UBE2F: variants seen among roughly 807,000 people sequenced by gnomAD.
UBE2F encodes the protein NEDD8-conjugating enzyme UBE2F.
Under a neutral mutation model 29.6 loss-of-function variants are expected in UBE2F, and 5 were observed. The ratio of observed to expected loss-of-function variants is 0.17; its 90% CI spans 0.09 to 0.36. UBE2F has a LOEUF of 0.36. UBE2F is among the 10% of genes least tolerant of loss of function. The pLI is 1.00. For synonymous variants in UBE2F, 66 were observed against 81.8 expected (o/e 0.81, Z 1.04); for missense variants, 141 against 228.5 (o/e 0.62, Z 2.47).
At chr2:238,037,484 A>T (rs1374921320) in intron 9 of UBE2F, among the ~76,000 whole-genome samples, 2 of 152,392 alleles carry the variant, frequency 1.3e-5, no homozygotes, top group African/African-American at 4.8e-5. Flanking sequence ...GCGTCGAGGT[A>T]GCTCAGCTTA....
At chr2:238,024,305 G>A (rs2064364141) in intron 5 of UBE2F, among the ~76,000 whole-genome samples, 1 of 152,252 alleles carries the variant, frequency 6.6e-6, no homozygotes, top group African/African-American at 2.4e-5. Context: ...CTCTGAGTAT[G>A]GATTGCCTTT....
Position 238,042,225 on chromosome 2 carries a change from G to A in UBE2F, c.*887G>A, listed in dbSNP as rs772296657. 1.3e-5 allele frequency: 2 copies of A among 152,258 alleles called. No homozygotes were observed. The highest frequency in any genetic ancestry group is 2.4e-5 in the African/African-American group (1 of 41,466). 9.4% of individuals were successfully genotyped at this position (152,258 alleles called of 1,614,324 possible). On this transcript the variant is annotated 3_prime_UTR_variant, in exon 10 of 10. Transcript: ENST00000272930. ...ACATGCTGCCCAGAGGAAACTGGCTGGAGCCTGGACCAGCTGGGGTTGATG... is the reference window on the plus strand; with the variant it reads ...ACATGCTGCCCAGAGGAAACTGGCTAGAGCCTGGACCAGCTGGGGTTGATG...
chr2:237,994,702 T>C, intron 3 of UBE2F, 42 bp from the exon 4 acceptor site: 1 of 1,535,014 alleles, frequency 6.5e-7, no homozygotes. Context: ...TATGGACTGC[T>C]GCTCACTGCC....
chr2:237,978,143 C>T (rs758945839), intron 2 of UBE2F, among the ~76,000 whole-genome samples: 3 of 152,192 alleles, frequency 2.0e-5, no homozygotes, highest in Non-Finnish European at 2.9e-5. Context: ...CTGCAACTGT[C>T]ATTCGTTAGA....
At chr2:238,037,224 A>G (rs1281236382) in intron 9 of UBE2F, among the ~76,000 whole-genome samples, 1 of 152,234 alleles carries the variant, frequency 6.6e-6, no homozygotes, top group Non-Finnish European at 1.5e-5. Context: ...TAGAAACAAT[A>G]TATTAAAACT....
intron 4 of UBE2F, among the ~76,000 whole-genome samples, chr2:238,006,765 T>C (rs920515198): frequency 6.7e-6 from 1 of 149,672 alleles, no homozygotes; most frequent in Non-Finnish European, 1.5e-5. Context: ...TTTTCTTTTT[T>C]TTTTTTTTTT....
At chr2:237,972,514 G>A (rs1299482405) in intron 1 of UBE2F, among the ~76,000 whole-genome samples, 2 of 150,576 alleles carry the variant, frequency 1.3e-5, no homozygotes, top group Non-Finnish European at 3.0e-5. Context: ...CAGTGAGTGT[G>A]AAATGCATGA....
At chr2:237,984,017 C>G (rs1335472714) in intron 2 of UBE2F, among the ~76,000 whole-genome samples, 1 of 151,934 alleles carries the variant, frequency 6.6e-6, no homozygotes, top group Non-Finnish European at 1.5e-5. Context: ...GCCTTGTTCT[C>G]CTCTTCTTCC....
At chr2:238,034,841 G>A (rs548959704) in intron 8 of UBE2F, among the ~76,000 whole-genome samples, 12 of 151,992 alleles carry the variant, frequency 7.9e-5, no homozygotes, top group South Asian at 4.2e-4. Context: ...TACAGCCTGC[G>A]TTGGAAAGCC....
chr2:238,036,465 C>G (rs919933745), intron 9 of UBE2F, among the ~76,000 whole-genome samples: 1 of 87,140 alleles, frequency 1.1e-5, no homozygotes, highest in Non-Finnish European at 2.5e-5. Flanking sequence ...CAGGCATGAG[C>G]TACGGCGCCC....
intron 4 of UBE2F, among the ~76,000 whole-genome samples, chr2:238,015,289 A>G (rs1397480617): frequency 1.3e-5 from 2 of 152,236 alleles, no homozygotes; most frequent in Non-Finnish European, 2.9e-5. Context: ...CTTGTAGCCT[A>G]TTTAAAAAGC....
chr2:238,010,809 C>T (rs1395140586), intron 4 of UBE2F, among the ~76,000 whole-genome samples: 2 of 152,180 alleles, frequency 1.3e-5, no homozygotes, highest in Non-Finnish European at 2.9e-5. Flanking sequence ...CTCAACACCT[C>T]CACTGGGATG....
intron 3 of UBE2F, among the ~76,000 whole-genome samples, chr2:237,994,109 C>CTTTTTTTTT (rs34177204): frequency 8.2e-6 from 1 of 122,370 alleles, no homozygotes; most frequent in Non-Finnish European, 1.7e-5. Context: ...TCTTCTTCTT[C>CTTTTTTTTT]TTTTTTTTTT....
rs562382609 is a variant in UBE2F at position 237,983,876 on chromosome 2, T to C, written c.119-4087T>C. Among the ~76,000 whole-genome samples the C allele has an allele frequency of 6.9e-4, 105 of 152,270 alleles. 4 individuals are homozygous for C. The South Asian group carries it at 0.022, about 31-fold the overall frequency. On this transcript the variant is annotated intron_variant, in intron 2 of 9. Coordinates refer to ENST00000272930, the MANE Select transcript of UBE2F (RefSeq NM_080678.3). ...TTTCGGCATGTTTCTCATCTGTAACTTTCCCTGTTCCTTGGCCGTTGCTTT... is the reference window on the plus strand; with the variant it reads ...TTTCGGCATGTTTCTCATCTGTAACCTTCCCTGTTCCTTGGCCGTTGCTTT...
At chr2:237,968,908 A>G in intron 1 of UBE2F, 2 of 919,826 alleles carry the variant, frequency 2.2e-6, no homozygotes, top group Non-Finnish European at 2.6e-6. Context: ...AAGCAACTGC[A>G]GGTATTCAGC....
chr2:238,025,973 A>G (rs1214599495), intron 6 of UBE2F, among the ~76,000 whole-genome samples: 2 of 152,136 alleles, frequency 1.3e-5, no homozygotes, highest in East Asian at 1.9e-4. Flanking sequence ...GGCATCAGTG[A>G]TTTCTCCTCC....
At chr2:237,984,030 C>G (rs919056226) in intron 2 of UBE2F, among the ~76,000 whole-genome samples, 1 of 151,834 alleles carries the variant, frequency 6.6e-6, no homozygotes. Context: ...CTTCTTCCCC[C>G]TCCCCTACTC....
chr2:237,969,693 A>C (rs2063133921), intron 1 of UBE2F, among the ~76,000 whole-genome samples: 1 of 152,104 alleles, frequency 6.6e-6, no homozygotes, highest in Non-Finnish European at 1.5e-5. Context: ...GGGAAGGGAG[A>C]CACTGTTCCA....
At chr2:238,005,066 G>C (rs2063872782) in intron 4 of UBE2F, among the ~76,000 whole-genome samples, 1 of 152,164 alleles carries the variant, frequency 6.6e-6, no homozygotes, top group African/African-American at 2.4e-5. Flanking sequence ...TAATAAATTT[G>C]TATTGTTCAA....
Sources: allele counts gnomAD v4.1 joint callset (sites outside exome capture counted in the v4.1 genomes callset), GRCh38; gene constraint gnomAD v4.1.1; transcripts MANE v1.5; gene names NCBI Gene and HGNC (gene_info 2026-07-23, HGNC 2026-07-21).